PKN2: variants seen among roughly 807,000 people sequenced by gnomAD.
The protein encoded by PKN2 is serine/threonine-protein kinase N2.
In PKN2, 38 loss-of-function variants were observed where a neutral mutation model predicts 119.1. The observed-to-expected ratio is 0.32, with a 90% confidence interval of 0.25 to 0.42. The LOEUF is 0.42. Among genes scored for constraint, PKN2 ranks in the 10% least tolerant of loss-of-function variants. The probability of loss-of-function intolerance (pLI) is 1.00; values close to 1 mark genes in which losing one functional copy is unlikely to be tolerated. For missense variants in PKN2, 850 were observed against 1,165.1 expected (o/e 0.73, Z 3.94); for synonymous variants, 390 against 384.9 (o/e 1.01, Z -0.15).
In PKN2 at chr1:88,833,733, C is replaced by CT; in HGVS notation, c.*286dup. On this transcript the variant is annotated 3_prime_UTR_variant, in exon 22 of 22. Transcript: ENST00000370521. ...TCACGAATACTTTTGGATCAATAGTCTATTTTTAAAAAGAAAGAAAAAAAC... is the reference window on the plus strand; with the variant it reads ...TCACGAATACTTTTGGATCAATAGTCTTATTTTTAAAAAGAAAGAAAAAAAC... 2 of 292,656 alleles carry CT rather than the reference C, an allele frequency of 6.8e-6. No homozygotes were observed. Among genetic ancestry groups the CT allele is most frequent in the Non-Finnish European group, 1.3e-5 (2 of 158,866 alleles). 18.1% of individuals were successfully genotyped at this position (292,656 alleles called of 1,614,324 possible). A position where few individuals can be genotyped will look rare whatever the true frequency, so the allele number is the denominator to read the frequency against.
intron 1 of PKN2, among the ~76,000 whole-genome samples, chr1:88,701,982 A>G (rs1666787342): frequency 6.6e-6 from 1 of 152,134 alleles, no homozygotes; most frequent in Non-Finnish European, 1.5e-5. Context: ...TTTTTGAGAC[A>G]GAGTCTCACT....
intron 16 of PKN2, among the ~76,000 whole-genome samples, chr1:88,821,352 T>C (rs1426739094): frequency 6.6e-6 from 1 of 152,234 alleles, no homozygotes; most frequent in African/African-American, 2.4e-5. Context: ...ATCCTTCGCA[T>C]TGCTACCAGA....
chr1:88,688,485 G>T (rs1388311585), intron 1 of PKN2, among the ~76,000 whole-genome samples: 1 of 152,158 alleles, frequency 6.6e-6, no homozygotes, highest in East Asian at 1.9e-4. Context: ...GGCCAAAAAC[G>T]TAATTAACCA....
chr1:88,715,339 A>C (rs968816811), intron 1 of PKN2, among the ~76,000 whole-genome samples: 1 of 152,222 alleles, frequency 6.6e-6, no homozygotes, highest in African/African-American at 2.4e-5. Context: ...TTCAGAAGGA[A>C]TGGTACCAGC....
intron 11 of PKN2, 93 bp downstream of exon 11, chr1:88,805,764 T>TC: frequency 6.3e-7 from 1 of 1,598,836 alleles, no homozygotes; most frequent in Non-Finnish European, 8.5e-7. Flanking sequence ...CTTGCTTTTT[T>TC]CCCAAGTAGT....
At chr1:88,792,891 A>G (rs1037061284) in intron 8 of PKN2, among the ~76,000 whole-genome samples, 1 of 152,212 alleles carries the variant, frequency 6.6e-6, no homozygotes, top group Non-Finnish European at 1.5e-5. Flanking sequence ...TAAGGGTTCC[A>G]TAATATTATT....
intron 1 of PKN2, among the ~76,000 whole-genome samples, chr1:88,690,501 G>T (rs139338518): frequency 1.3e-5 from 2 of 152,230 alleles, no homozygotes; most frequent in African/African-American, 4.8e-5. Flanking sequence ...ATATACAGCA[G>T]AGTTCAAACT....
chr1:88,684,500 AC>A lies in PKN2; in HGVS notation c.-76del, dbSNP rs1301299909. On this transcript the variant is annotated 5_prime_UTR_variant, in exon 1 of 22. Transcript: ENST00000370521. Reference sequence around the variant, plus strand: ...TTTTTTCTTTCTCTCCCCTCTCCTCACCCCCACCCCGAGCCCCGTCCCGCCT... The same window carrying A: ...TTTTTTCTTTCTCTCCCCTCTCCTCACCCCACCCCGAGCCCCGTCCCGCCT... 4.6e-6 allele frequency: 5 copies of A among 1,075,296 alleles called. No individual in the cohort carries two copies. The East Asian group carries it at 1.3e-4, about 27-fold the overall frequency. 66.6% of individuals were successfully genotyped at this position (1,075,296 alleles called of 1,614,324 possible). A position where few individuals can be genotyped will look rare whatever the true frequency, so the allele number is the denominator to read the frequency against.
chr1:88,784,342 C>T (rs1477934454), intron 6 of PKN2, among the ~76,000 whole-genome samples: 1 of 151,898 alleles, frequency 6.6e-6, no homozygotes, highest in African/African-American at 2.4e-5. Flanking sequence ...AGGCTGGTCT[C>T]AAACTCCTAA....
intron 2 of PKN2, among the ~76,000 whole-genome samples, chr1:88,744,476 A>C (rs1184622489): frequency 6.6e-6 from 1 of 152,170 alleles, no homozygotes; most frequent in Non-Finnish European, 1.5e-5. Flanking sequence ...GCTGGAGTGC[A>C]GTGGTGCCAT....
In PKN2 at chr1:88,807,519, C is replaced by T. The variant is rs1490894258; in HGVS notation, c.1935-10C>T. On this transcript the variant is annotated splice_polypyrimidine_tract_variant and intron_variant, in intron 13 of 21. Coordinates refer to ENST00000370521, the MANE Select transcript of PKN2 (RefSeq NM_006256.4). ...ATTGTCTTATTATTAATTGAAATTTCTCTTTTCAGATCTCAGCAAAGGTTT... is the reference window on the plus strand; with the variant it reads ...ATTGTCTTATTATTAATTGAAATTTTTCTTTTCAGATCTCAGCAAAGGTTT... 3 of 1,609,020 alleles carry T rather than the reference C, an allele frequency of 1.9e-6. No individual in the cohort carries two copies. The highest frequency in any genetic ancestry group is 2.5e-6 in the Non-Finnish European group (3 of 1,177,206).
intron 1 of PKN2, among the ~76,000 whole-genome samples, chr1:88,729,542 T>A (rs969554219): frequency 2.0e-5 from 3 of 152,190 alleles, no homozygotes; most frequent in Admixed American, 6.5e-5. Flanking sequence ...TCTTTCCACA[T>A]GGTTTCTCTC....
At chr1:88,756,815 A>C (rs946800202) in intron 2 of PKN2, among the ~76,000 whole-genome samples, 2 of 152,192 alleles carry the variant, frequency 1.3e-5, no homozygotes, top group African/African-American at 4.8e-5. Context: ...TATTTATTGC[A>C]TATTTACTAT....
chr1:88,720,229 C>T, intron 1 of PKN2, among the ~76,000 whole-genome samples: 1 of 152,078 alleles, frequency 6.6e-6, no homozygotes, highest in East Asian at 1.9e-4. Context: ...CCATGTTGCC[C>T]AGGCTGGTCT....
At position 88,770,370 on chromosome 1, in the gene PKN2, A is replaced by G; in HGVS notation, c.523A>G (p.Thr175Ala). ...TTAATAGGATCGGAAACTCCATGGT[A>G]CAGCTCAGCAACTGCTCCAGGACAG... is the stretch of plus-strand genomic sequence containing the variant. ...GSSKDRKLHG[T>A]AQQLLQDSKT... The change falls in exon 4 of 22, where the codon ACA (threonine) becomes GCA (alanine). Residue 175 changes from threonine to alanine, a missense_variant. Physicochemically the swap from Thr to Ala is moderately conservative, Grantham distance 58. Coordinates refer to ENST00000370521, the MANE Select transcript of PKN2 (RefSeq NM_006256.4). 6.2e-7 allele frequency: 1 copy of G among 1,609,778 alleles called. No homozygotes were observed. Among genetic ancestry groups the G allele is most frequent in the Non-Finnish European group, 8.5e-7 (1 of 1,176,050 alleles).
At chr1:88,723,725 G>A (rs1667787376) in intron 1 of PKN2, among the ~76,000 whole-genome samples, 1 of 152,088 alleles carries the variant, frequency 6.6e-6, no homozygotes, top group Admixed American at 6.5e-5. Flanking sequence ...TCATTTCAAT[G>A]TACTTTTGCC....
At chr1:88,769,639 AG>A (rs1669806346) in intron 3 of PKN2, among the ~76,000 whole-genome samples, 1 of 152,244 alleles carries the variant, frequency 6.6e-6, no homozygotes, top group African/African-American at 2.4e-5. Context: ...GCCTTAAAAA[AG>A]GGAATACTGC....
intron 18 of PKN2, among the ~76,000 whole-genome samples, chr1:88,824,790 G>T (rs1672432393): frequency 6.6e-6 from 1 of 152,170 alleles, no homozygotes; most frequent in South Asian, 2.1e-4. Context: ...TCTCATGTAT[G>T]TTTTTTGTAT....
intron 2 of PKN2, among the ~76,000 whole-genome samples, chr1:88,756,754 A>C (rs1669221328): frequency 6.6e-6 from 1 of 152,206 alleles, no homozygotes; most frequent in Non-Finnish European, 1.5e-5. Context: ...TGCGTAGTTC[A>C]ATTATGGACT....
Sources: allele counts gnomAD v4.1 joint callset (sites outside exome capture counted in the v4.1 genomes callset), GRCh38; gene constraint gnomAD v4.1.1; transcripts MANE v1.5; gene names NCBI Gene and HGNC (gene_info 2026-07-23, HGNC 2026-07-21).